KIZ: variants seen among roughly 807,000 people sequenced by gnomAD.
KIZ encodes kizuna centrosomal protein.
A neutral mutation model predicts 79.6 loss-of-function variants in KIZ; 68 were observed. The ratio of observed to expected loss-of-function variants is 0.85; its 90% CI spans 0.70 to 1.05. The LOEUF (loss-of-function observed/expected upper bound fraction) is 1.05. Ranked by LOEUF, KIZ falls within the 50% of genes least tolerant of loss-of-function variation. The probability of loss-of-function intolerance (pLI) is 0.00; values close to 1 mark genes in which losing one functional copy is unlikely to be tolerated. For missense variants in KIZ, 797 were observed against 800.4 expected, an observed-to-expected ratio of 1.00 and a Z score of 0.05; for synonymous variants, 280 against 281.8, an observed-to-expected ratio of 0.99 and a Z score of 0.06.
rs533466291 is a variant in KIZ at position 21,161,520 on chromosome 20, C to T, written c.406-351C>T. Among the ~76,000 whole-genome samples, 43 of 152,046 alleles carry T rather than the reference C, an allele frequency of 2.8e-4. No homozygotes were observed. The East Asian group carries it at 4.1e-3, about 14-fold the overall frequency. On this transcript the variant is annotated intron_variant, in intron 4 of 12. Coordinates refer to ENST00000619189, the MANE Select transcript of KIZ (RefSeq NM_018474.6). ...CTAATTTTTGTATTTTTAGCAGAGA[C>T]GGGGTTTCACCATGTCAGCCAGGCT...
Position 21,208,620 on chromosome 20 carries a change from C to G in KIZ, c.1446+3036C>G, listed in dbSNP as rs1359945589. Reference sequence around the variant, plus strand: ...TAGGAGGCTGAGGCAGGAGAATGGCCTGAACCCAGGAGGCGGAGCTTGCGG... The same window carrying G: ...TAGGAGGCTGAGGCAGGAGAATGGCGTGAACCCAGGAGGCGGAGCTTGCGG... On this transcript the variant is annotated intron_variant, in intron 7 of 12. Transcript: ENST00000619189. Among the ~76,000 whole-genome samples the G allele has an allele frequency of 3.9e-5, 6 of 151,902 alleles. 1 individual carries two copies. In the South Asian group the frequency reaches 8.3e-4, roughly 21 times the overall value.
At position 21,183,623 on chromosome 20, in the gene KIZ, AT is replaced by A. The variant is rs199564464; in HGVS notation, c.1352+20468del. Among the ~76,000 whole-genome samples the A allele has an allele frequency of 3.2e-4, 49 of 152,358 alleles. No homozygotes were observed. In the East Asian group the frequency reaches 8.3e-3, roughly 26 times the overall value. ...TTTCAGGCCATGCAAAATATTTTACATTTTATAATCAAAGAATTAGCATGCT... is the reference window on the plus strand; with the variant it reads ...TTTCAGGCCATGCAAAATATTTTACATTTATAATCAAAGAATTAGCATGCT... On this transcript the variant is annotated intron_variant, in intron 6 of 12. Transcript: ENST00000619189.
Position 21,126,089 on chromosome 20 carries a change from G to A in KIZ, c.-27G>A. ...CCGGCCGAACGGCCACCCAGAGGCT[G>A]TGCTGAGCTGGCGCAGCGGCAGCAG... On this transcript the variant is annotated 5_prime_UTR_variant, in exon 1 of 13. The change creates a new upstream start codon in the 5' untranslated region. Transcript: ENST00000619189. 6.7e-7 allele frequency: 1 copy of A among 1,503,578 alleles called. No homozygotes were observed. The highest frequency in any genetic ancestry group is 8.9e-7 in the Non-Finnish European group (1 of 1,128,024). 93.1% of individuals were successfully genotyped at this position (1,503,578 alleles called of 1,614,324 possible). A position where few individuals can be genotyped will look rare whatever the true frequency, so the allele number is the denominator to read the frequency against.
chr20:21,191,058 G>T (rs1013722395), intron 6 of KIZ, among the ~76,000 whole-genome samples: 1 of 152,168 alleles, frequency 6.6e-6, no homozygotes, highest in Non-Finnish European at 1.5e-5. Flanking sequence ...GATGAAAATT[G>T]AGGGAGTTTG....
intron 6 of KIZ, among the ~76,000 whole-genome samples, chr20:21,164,713 C>CT (rs11475262): frequency 7.9e-4 from 117 of 148,112 alleles, no homozygotes; most frequent in Middle Eastern, 3.5e-3. Flanking sequence ...ATTCGAATGA[C>CT]TTTTTTTTTT....
intron 9 of KIZ, among the ~76,000 whole-genome samples, chr20:21,218,996 G>T (rs1393507453): frequency 6.6e-6 from 1 of 152,280 alleles, no homozygotes; most frequent in East Asian, 1.9e-4. Flanking sequence ...GTCTTTATTT[G>T]CTTTTCAGCC....
At position 21,205,521 on chromosome 20, in the gene KIZ, G is replaced by A. The variant is rs533329332; in HGVS notation, c.1383G>A (p.Pro461=). 944 of 1,558,316 alleles carry A rather than the reference G, an allele frequency of 6.1e-4. 1 individual carries two copies. The highest frequency in any genetic ancestry group is 8.0e-4 in the Non-Finnish European group (910 of 1,139,212). ...EPGQTPDSDV[P]RAQVGQHVAT... ...GACAAACACCAGACTCAGACGTACCGAGGGCACAGGTGGGTCAGCATGTTG... is the reference window on the plus strand; with the variant it reads ...GACAAACACCAGACTCAGACGTACCAAGGGCACAGGTGGGTCAGCATGTTG... Residue 461 remains proline, a synonymous_variant, in exon 7 of 13, where the codon CCG becomes CCA. Transcript: ENST00000619189.
intron 6 of KIZ, among the ~76,000 whole-genome samples, chr20:21,170,981 A>G (rs2034181367): frequency 6.6e-6 from 1 of 152,310 alleles, no homozygotes; most frequent in East Asian, 1.9e-4. Flanking sequence ...TAAATAGGTA[A>G]GTCTATGGTT....
At chr20:21,233,517 T>A (rs2036901333) in intron 11 of KIZ, among the ~76,000 whole-genome samples, 1 of 152,252 alleles carries the variant, frequency 6.6e-6, no homozygotes. Flanking sequence ...CCTACTCTTT[T>A]GCTTTGAGCT....
At chr20:21,167,005 C>T (rs776178146) in intron 6 of KIZ, among the ~76,000 whole-genome samples, 9 of 152,196 alleles carry the variant, frequency 5.9e-5, no homozygotes, top group Non-Finnish European at 1.0e-4. Context: ...CCTCTAGGGG[C>T]TAAGGGCCTC....
At chr20:21,207,722 G>A (rs946625380) in intron 7 of KIZ, among the ~76,000 whole-genome samples, 1 of 150,046 alleles carries the variant, frequency 6.7e-6, no homozygotes, top group Non-Finnish European at 1.5e-5. Flanking sequence ...TTGTTTTTTC[G>A]AGACGGAGTC....
At chr20:21,223,934 T>G (rs973678169) in intron 9 of KIZ, among the ~76,000 whole-genome samples, 9 of 152,152 alleles carry the variant, frequency 5.9e-5, no homozygotes, top group African/African-American at 2.2e-4. Flanking sequence ...CACCTTAGCC[T>G]CCCAGAGTGC....
intron 7 of KIZ, among the ~76,000 whole-genome samples, chr20:21,212,384 G>T (rs911186089): frequency 3.9e-5 from 6 of 152,184 alleles, no homozygotes; most frequent in Non-Finnish European, 8.8e-5. Flanking sequence ...TAGGCATTCA[G>T]TGGAAACCAT....
At chr20:21,141,826 C>A (rs1207652042) in intron 3 of KIZ, among the ~76,000 whole-genome samples, 2 of 79,308 alleles carry the variant, frequency 2.5e-5, no homozygotes, top group African/African-American at 1.5e-4. Context: ...CACACACACT[C>A]TCTCTCTCTC....
At chr20:21,183,769 T>A (rs79879530) in intron 6 of KIZ, among the ~76,000 whole-genome samples, 1,596 of 152,324 alleles carry the variant, frequency 0.01, 16 homozygotes, top group Middle Eastern at 0.02. Flanking sequence ...ACTGCATATG[T>A]CAATGCAGCC....
At chr20:21,233,586 A>G (rs1309578783) in intron 11 of KIZ, among the ~76,000 whole-genome samples, 1 of 152,246 alleles carries the variant, frequency 6.6e-6, no homozygotes, top group East Asian at 1.9e-4. Context: ...CTCAGTAAAA[A>G]GGTGTCCTTC....
intron 11 of KIZ, among the ~76,000 whole-genome samples, chr20:21,239,529 A>G (rs2037145886): frequency 1.3e-5 from 2 of 152,186 alleles, no homozygotes; most frequent in Non-Finnish European, 2.9e-5. Flanking sequence ...TTCTAATTAA[A>G]TAGTGGGTTT....
chr20:21,235,715 AG>A (rs1401563393), intron 11 of KIZ, among the ~76,000 whole-genome samples: 1 of 152,228 alleles, frequency 6.6e-6, no homozygotes, highest in Admixed American at 6.5e-5. Flanking sequence ...CCAAAAGGAA[AG>A]GGTGTGTGCT....
chr20:21,243,643 C>T (rs2054669062), intron 11 of KIZ, among the ~76,000 whole-genome samples: 1 of 152,152 alleles, frequency 6.6e-6, no homozygotes, highest in African/African-American at 2.4e-5. Context: ...AAATCATATC[C>T]CGTGGAGCCA....
Sources: gnomAD v4.1 joint callset for allele counts (sites outside exome capture counted in the v4.1 genomes callset) on GRCh38, gnomAD v4.1.1 for gene constraint, MANE v1.5 for transcripts, NCBI Gene and HGNC (gene_info 2026-07-23, HGNC 2026-07-21) for gene names.